The following SPATA17 variants were observed in gnomAD, a reference collection of about 807,000 sequenced individuals.
SPATA17 encodes the protein spermatogenesis-associated protein 17.
SPATA17 carries 53 observed loss-of-function variants against 62.2 expected under a neutral mutation model. The observed-to-expected ratio is 0.85, with a 90% CI of 0.68 to 1.07. The LOEUF (loss-of-function observed/expected upper bound fraction) is 1.07, where lower values mean the gene tolerates loss of function less well. SPATA17 is among the 50% of genes least tolerant of loss of function. The pLI is 0.00. For synonymous variants in SPATA17, 146 were observed against 146.8 expected, an observed-to-expected ratio of 0.99 and a Z score of 0.04; for missense variants, 466 against 425.5, an observed-to-expected ratio of 1.10 and a Z score of -0.84.
At chr1:217,850,487 C>G in intron 9 of SPATA17, 1 of 1,493,070 alleles carries the variant, frequency 6.7e-7, no homozygotes. Context: ...CCTCTTCTAG[C>G]TGCATGCCTG....
chr1:217,657,676 TG>T (rs1178683016), intron 3 of SPATA17, among the ~76,000 whole-genome samples: 1 of 152,198 alleles, frequency 6.6e-6, no homozygotes, highest in Non-Finnish European at 1.5e-5. Flanking sequence ...ATAAAATGAA[TG>T]GTGTAGAACA....
intron 6 of SPATA17, among the ~76,000 whole-genome samples, chr1:217,772,972 G>T (rs1673489773): frequency 1.3e-5 from 2 of 152,016 alleles, no homozygotes; most frequent in African/African-American, 4.8e-5. Context: ...TTGCATTTGG[G>T]ATGGGACGTT....
At chr1:217,706,961 G>A (rs940587410) in intron 5 of SPATA17, among the ~76,000 whole-genome samples, 1 of 151,664 alleles carries the variant, frequency 6.6e-6, no homozygotes, top group African/African-American at 2.4e-5. Context: ...CCGCCTCCCG[G>A]GTTCAAGCCA....
chr1:217,717,798 C>G (rs1207853269), intron 5 of SPATA17, among the ~76,000 whole-genome samples: 1 of 152,150 alleles, frequency 6.6e-6, no homozygotes, highest in African/African-American at 2.4e-5. Context: ...CTGTGAGGAA[C>G]AGATTAACTT....
At chr1:217,706,806 G>C (rs1671747152) in intron 5 of SPATA17, among the ~76,000 whole-genome samples, 1 of 151,690 alleles carries the variant, frequency 6.6e-6, no homozygotes. Context: ...GTAGAGATCT[G>C]TCACCTCCCT....
chr1:217,763,248 G>T (rs575304225), intron 6 of SPATA17, among the ~76,000 whole-genome samples: 1 of 152,246 alleles, frequency 6.6e-6, no homozygotes, highest in South Asian at 2.1e-4. Flanking sequence ...GTGCCATGAA[G>T]AAAATGAAAA....
chr1:217,731,033 C>T (rs1672392037), intron 5 of SPATA17, among the ~76,000 whole-genome samples: 1 of 152,064 alleles, frequency 6.6e-6, no homozygotes, highest in Non-Finnish European at 1.5e-5. Flanking sequence ...CTCTTTGAAG[C>T]ATAAAGGCAC....
chr1:217,699,760 C>T (rs1288485934), intron 5 of SPATA17, among the ~76,000 whole-genome samples: 3 of 152,040 alleles, frequency 2.0e-5, no homozygotes, highest in Admixed American at 2.0e-4. Flanking sequence ...ATTTTGGAGT[C>T]TAGTCTAAGA....
intron 5 of SPATA17, among the ~76,000 whole-genome samples, chr1:217,734,416 T>C (rs1224384956): frequency 6.6e-6 from 1 of 152,168 alleles, no homozygotes; most frequent in African/African-American, 2.4e-5. Flanking sequence ...TTGCTCAGGC[T>C]TGTCTTGAGC....
intron 8 of SPATA17, among the ~76,000 whole-genome samples, chr1:217,783,560 T>G (rs1008306912): frequency 6.6e-5 from 10 of 152,052 alleles, no homozygotes; most frequent in African/African-American, 2.2e-4. Flanking sequence ...CGTAGAAGAT[T>G]AAAGCTTCTC....
At chr1:217,739,782 A>G (rs1672586845) in intron 5 of SPATA17, among the ~76,000 whole-genome samples, 1 of 152,176 alleles carries the variant, frequency 6.6e-6, no homozygotes, top group African/African-American at 2.4e-5. Flanking sequence ...AATGTTTGAC[A>G]TAAATATTAC....
At chr1:217,635,688 A>G (rs979666193) in intron 1 of SPATA17, among the ~76,000 whole-genome samples, 34 of 151,946 alleles carry the variant, frequency 2.2e-4, no homozygotes, top group Admixed American at 4.6e-4. Context: ...TGGGCAACAG[A>G]GCAAGACTCA....
At chr1:217,696,196 T>A (rs1001220330) in intron 5 of SPATA17, among the ~76,000 whole-genome samples, 11 of 152,320 alleles carry the variant, frequency 7.2e-5, no homozygotes, top group African/African-American at 2.6e-4. Flanking sequence ...AGTCTCGTGG[T>A]GCACCGTTTT....
intron 9 of SPATA17, chr1:217,850,274 C>A: frequency 2.5e-5 from 8 of 317,918 alleles, no homozygotes; most frequent in East Asian, 6.7e-5. Flanking sequence ...TGCAACAAAA[C>A]CTTTATTAAC....
At chr1:217,677,218 T>C (rs908241861) in intron 4 of SPATA17, among the ~76,000 whole-genome samples, 3 of 152,096 alleles carry the variant, frequency 2.0e-5, no homozygotes, top group African/African-American at 7.2e-5. Flanking sequence ...CAAATTTTAA[T>C]TTATAAAAAT....
At chr1:217,787,943 A>T (rs1370708291) in intron 8 of SPATA17, among the ~76,000 whole-genome samples, 2 of 152,196 alleles carry the variant, frequency 1.3e-5, no homozygotes, top group Non-Finnish European at 1.5e-5. Context: ...TTCAGAGGGG[A>T]ACATTTCAAG....
chr1:217,651,866 G>A (rs1003568118), intron 3 of SPATA17, among the ~76,000 whole-genome samples: 6 of 152,116 alleles, frequency 3.9e-5, no homozygotes, highest in African/African-American at 1.2e-4. Flanking sequence ...TGTATGTTAG[G>A]ATGCTTATTA....
intron 4 of SPATA17, among the ~76,000 whole-genome samples, chr1:217,672,056 G>A (rs1257127777): frequency 2.6e-5 from 4 of 152,074 alleles, no homozygotes; most frequent in Admixed American, 1.3e-4. Context: ...GCTGTCAGTG[G>A]ACTCCAGCCA....
intron 9 of SPATA17, among the ~76,000 whole-genome samples, chr1:217,845,693 G>A (rs1675508298): frequency 6.6e-6 from 1 of 152,022 alleles, no homozygotes; most frequent in South Asian, 2.1e-4. Flanking sequence ...CGCTCGTGGT[G>A]GGGTCAAAAG....
Sources: gnomAD v4.1 joint callset for allele counts (sites outside exome capture counted in the v4.1 genomes callset) on GRCh38, gnomAD v4.1.1 for gene constraint, MANE v1.5 for transcripts, NCBI Gene and HGNC (gene_info 2026-07-23, HGNC 2026-07-21) for gene names.